Variants in ARID4B observed in about 807,000 individuals in gnomAD.
The protein encoded by ARID4B is AT-rich interactive domain-containing protein 4B.
ARID4B carries 26 observed loss-of-function variants against 147.5 expected under a neutral mutation model. That is an observed-to-expected ratio of 0.18 (90% confidence interval 0.13 to 0.24). ARID4B has a LOEUF of 0.24. Ranked by LOEUF, ARID4B falls within the 10% of genes least tolerant of loss-of-function variation. ARID4B has a pLI of 1.00. For missense variants in ARID4B, 1,179 were observed against 1,511.5 expected, an observed-to-expected ratio of 0.78 and a Z score of 3.65; for synonymous variants, 512 against 507.9, an observed-to-expected ratio of 1.01 and a Z score of -0.11.
intron 10 of ARID4B, among the ~76,000 whole-genome samples, chr1:235,230,609 A>C (rs1039056141): frequency 1.5e-5 from 2 of 131,780 alleles, no homozygotes; most frequent in African/African-American, 2.9e-5. Context: ...AAAAAAAAAA[A>C]AAAAAAACCA....
chr1:235,192,461 G>A (rs1179262229), intron 19 of ARID4B, among the ~76,000 whole-genome samples: 1 of 152,030 alleles, frequency 6.6e-6, no homozygotes, highest in Non-Finnish European at 1.5e-5. Flanking sequence ...TAGGATACAT[G>A]GGAAAATTTT....
Position 235,194,231 on chromosome 1 carries a change from A to C in ARID4B, c.1927-20T>G, listed in dbSNP as rs1223631805. ...TTTATTCTAGGTTAAGAAAAAAAGT[A>C]TGTCGTAATTTATCATAAGGCATTT... On this transcript the variant is annotated intron_variant, in intron 18 of 23. Coordinates refer to ENST00000264183, the MANE Select transcript of ARID4B (RefSeq NM_016374.6). 6.5e-7 allele frequency: 1 copy of C among 1,539,564 alleles called. No homozygotes were observed. The highest frequency in any genetic ancestry group is 1.1e-5 in the South Asian group (1 of 88,972).
chr1:235,257,125 C>T (rs1436637068), intron 4 of ARID4B, 35 bp downstream of exon 4: 2 of 1,454,034 alleles, frequency 1.4e-6, no homozygotes, highest in Non-Finnish European at 1.9e-6. Flanking sequence ...TTTTCCCAAA[C>T]AACCATTAGA....
intron 22 of ARID4B, among the ~76,000 whole-genome samples, chr1:235,173,752 AAAAAAAAAAAAAAAAAAAAATATAT>A (rs1406766510): frequency 1.5e-3 from 56 of 37,296 alleles, no homozygotes; most frequent in Non-Finnish European, 2.1e-3. Flanking sequence ...TAAAAAAAAA[AAAAAAAAAAAAAAAAAAAAATATAT>A]ATATATATAT....
intron 17 of ARID4B, among the ~76,000 whole-genome samples, chr1:235,199,096 C>A (rs2102973164): frequency 6.6e-6 from 1 of 152,030 alleles, no homozygotes; most frequent in Non-Finnish European, 1.5e-5. Flanking sequence ...AAGACTCCGT[C>A]TCAAAAAACA....
chr1:235,214,299 G>C (rs563450140), intron 16 of ARID4B, among the ~76,000 whole-genome samples: 1 of 152,068 alleles, frequency 6.6e-6, no homozygotes, highest in Non-Finnish European at 1.5e-5. Context: ...AATTTGTGCC[G>C]AACAGCAAGA....
chr1:235,191,230 G>T, intron 19 of ARID4B, among the ~76,000 whole-genome samples: 1 of 148,682 alleles, frequency 6.7e-6, no homozygotes, highest in East Asian at 2.0e-4. Context: ...CATCCACTGC[G>T]AATGTGTCAC....
chr1:235,281,067 G>A (rs1037569334), intron 2 of ARID4B, among the ~76,000 whole-genome samples: 75 of 152,044 alleles, frequency 4.9e-4, no homozygotes, highest in African/African-American at 1.7e-3. Flanking sequence ...CAACTCTACA[G>A]CTTACAAGCT....
At chr1:235,179,117 T>C (rs1664096319) in intron 20 of ARID4B, among the ~76,000 whole-genome samples, 1 of 152,092 alleles carries the variant, frequency 6.6e-6, no homozygotes, top group Non-Finnish European at 1.5e-5. Flanking sequence ...TAGAGTAAAT[T>C]AAGAGGAAAA....
chr1:235,182,623 G>A lies in ARID4B; in HGVS notation c.2296C>T (p.His766Tyr). The change falls in exon 20 of 24, where the codon CAT becomes TAT. Residue 766 changes from histidine to tyrosine, a missense_variant. Transcript: ENST00000264183. ...GGTTTGGATATTACCAAATCTGCATGAACTTTGTTTTCTTCTAGCAAAGAT... is the reference window on the plus strand; with the variant it reads ...GGTTTGGATATTACCAAATCTGCATAAACTTTGTTTTCTTCTAGCAAAGAT... The part of the protein sequence containing the change: ...SSSLLEENKV[H>Y]ADLVISKPVS... 1 of 1,613,576 alleles carries A rather than the reference G, an allele frequency of 6.2e-7. No individual in the cohort carries two copies. The highest frequency in any genetic ancestry group is 8.5e-7 in the Non-Finnish European group (1 of 1,179,944).
chr1:235,241,285 T>G (rs916262274), intron 7 of ARID4B, among the ~76,000 whole-genome samples: 1 of 152,174 alleles, frequency 6.6e-6, no homozygotes, highest in African/African-American at 2.4e-5. Flanking sequence ...TGGCTATTAT[T>G]GAATACCTAC....
intron 17 of ARID4B, among the ~76,000 whole-genome samples, chr1:235,212,325 T>A (rs1666768872): frequency 6.6e-6 from 1 of 152,152 alleles, no homozygotes; most frequent in African/African-American, 2.4e-5. Context: ...TGTGTTAAAG[T>A]GGTATCTGGA....
chr1:235,307,572 G>A (rs965390425), intron 2 of ARID4B, among the ~76,000 whole-genome samples: 1 of 152,154 alleles, frequency 6.6e-6, no homozygotes, highest in Middle Eastern at 3.2e-3. Flanking sequence ...AAGAGAGAGA[G>A]AAAAAGAGAG....
At position 235,180,385 on chromosome 1, in the gene ARID4B, C is replaced by T. The variant is rs151254559; in HGVS notation, c.3334+1200G>A. The stretch of plus-strand genomic sequence containing the variant: ...CTCCTGGACTCAAGCGATCCACCGC[C>T]TTGACCTCCCAGACCTCCCAAATTG... On this transcript the variant is annotated intron_variant, in intron 20 of 23. Transcript: ENST00000264183. The T allele has an allele frequency of 2.6e-3, 401 of 152,154 alleles. 2 individuals are homozygous for T. Among genetic ancestry groups the T allele is most frequent in the Middle Eastern group, 0.024 (7 of 294 alleles). The allele number at this position is 152,154 out of a possible 1,614,324, so 9.4% of individuals were successfully genotyped here.
chr1:235,225,707 G>A (rs976659245), intron 11 of ARID4B, among the ~76,000 whole-genome samples: 1 of 152,178 alleles, frequency 6.6e-6, no homozygotes, highest in Admixed American at 6.5e-5. Flanking sequence ...AACAGTAAAA[G>A]TTAGGATATT....
chr1:235,288,054 C>T lies in ARID4B; in HGVS notation c.7-27302G>A, dbSNP rs200981317. Among the ~76,000 whole-genome samples, 37 of 152,304 alleles carry T rather than the reference C, an allele frequency of 2.4e-4. No homozygotes were observed. In the East Asian group the frequency reaches 6.7e-3, roughly 28 times the overall value. ...GGGCGCAGTGGCTCATGCCTGTAAT[C>T]CCAGCACTTTGGGAGGCCAAGGCGG... On this transcript the variant is annotated intron_variant, in intron 2 of 23. Coordinates refer to ENST00000264183, the MANE Select transcript of ARID4B (RefSeq NM_016374.6).
chr1:235,285,539 C>T (rs1432277948), intron 2 of ARID4B, among the ~76,000 whole-genome samples: 2 of 152,158 alleles, frequency 1.3e-5, no homozygotes, highest in African/African-American at 2.4e-5. Flanking sequence ...ATGCTTTTCC[C>T]TACAATTAAG....
intron 2 of ARID4B, among the ~76,000 whole-genome samples, chr1:235,320,577 T>A (rs1674750628): frequency 6.6e-6 from 1 of 152,168 alleles, no homozygotes; most frequent in African/African-American, 2.4e-5. Context: ...TGAAAATGTT[T>A]ATCACATCAC....
chr1:235,308,756 C>T (rs921568719), intron 2 of ARID4B, among the ~76,000 whole-genome samples: 4 of 152,178 alleles, frequency 2.6e-5, no homozygotes, highest in African/African-American at 4.8e-5. Context: ...GGATTGCAGA[C>T]GGAGTCTGGT....
Sources: allele counts gnomAD v4.1 joint callset (sites outside exome capture counted in the v4.1 genomes callset), GRCh38; gene constraint gnomAD v4.1.1; transcripts MANE v1.5; gene names NCBI Gene and HGNC (gene_info 2026-07-23, HGNC 2026-07-21).